The following AP3B1 variants were observed in gnomAD, a reference collection of about 807,000 sequenced individuals.
The protein encoded by AP3B1 is adaptor related protein complex 3 subunit beta 1, also known as AP-3 complex subunit beta-1.
In AP3B1, 61 loss-of-function variants were observed where a neutral mutation model predicts 132.5. That is an observed-to-expected ratio of 0.46 (90% confidence interval 0.37 to 0.57). The LOEUF is 0.57. Ranked by LOEUF, AP3B1 falls within the 20% of genes least tolerant of loss-of-function variation. The probability of loss-of-function intolerance (pLI) is 0.00; values close to 1 mark genes in which losing one functional copy is unlikely to be tolerated. For missense variants in AP3B1, 1,120 were observed against 1,289.4 expected, an observed-to-expected ratio of 0.87 and a Z score of 2.01; for synonymous variants, 388 against 438.3, an observed-to-expected ratio of 0.89 and a Z score of 1.43.
intron 1 of AP3B1, among the ~76,000 whole-genome samples, chr5:78,279,892 TATATATATGACTTAA>T (rs1168331857): frequency 2.2e-5 from 3 of 138,878 alleles, no homozygotes; most frequent in African/African-American, 5.4e-5. Context: ...GACTTAAATA[TATATATATGACTTAA>T]ATATATATAT....
chr5:78,288,759 C>T (rs1412932445), intron 1 of AP3B1, among the ~76,000 whole-genome samples: 1 of 152,058 alleles, frequency 6.6e-6, no homozygotes, highest in Non-Finnish European at 1.5e-5. Context: ...TCACACAAAT[C>T]ACAGTCTTTA....
intron 22 of AP3B1, among the ~76,000 whole-genome samples, chr5:78,088,336 G>T (rs1195832138): frequency 6.6e-6 from 1 of 152,012 alleles, no homozygotes; most frequent in Non-Finnish European, 1.5e-5. Context: ...ATTTCTGGGT[G>T]GTTAAGAGAT....
intron 1 of AP3B1, among the ~76,000 whole-genome samples, chr5:78,274,381 G>C (rs1580577672): frequency 6.6e-6 from 1 of 150,458 alleles, no homozygotes; most frequent in South Asian, 2.1e-4. Context: ...AAATAGAACA[G>C]AGCATCAGAG....
intron 25 of AP3B1, among the ~76,000 whole-genome samples, chr5:78,017,855 C>T (rs902475519): frequency 6.6e-6 from 1 of 151,942 alleles, no homozygotes; most frequent in African/African-American, 2.4e-5. Context: ...TAGAATCTAT[C>T]TAAATTTTGG....
rs542793275 is a variant in AP3B1 at position 78,096,058 on chromosome 5, C to T, written c.2470+4895G>A. 1.6e-4 allele frequency among the ~76,000 whole-genome samples: 25 copies of T among 152,306 alleles called. No homozygotes were observed. The South Asian group carries it at 3.7e-3, about 23-fold the overall frequency. On this transcript the variant is annotated intron_variant, in intron 21 of 26. Transcript: ENST00000255194. The stretch of plus-strand genomic sequence containing the variant: ...TCTCCCCACGGTCTCCCTCTGATGC[C>T]GAGCTGAAGCTGGACTGTACTGCTG...
chr5:78,278,108 A>G (rs1276530940), intron 1 of AP3B1, among the ~76,000 whole-genome samples: 1 of 152,172 alleles, frequency 6.6e-6, no homozygotes, highest in African/African-American at 2.4e-5. Flanking sequence ...TTAATCTTCT[A>G]TACAAAGTGG....
intron 7 of AP3B1, among the ~76,000 whole-genome samples, chr5:78,209,591 T>TA (rs1241739957): frequency 6.6e-6 from 1 of 152,134 alleles, no homozygotes; most frequent in Non-Finnish European, 1.5e-5. Flanking sequence ...CTAAAATGTA[T>TA]AAAAGCAAGC....
chr5:78,040,358 T>C (rs1561368959), intron 22 of AP3B1, among the ~76,000 whole-genome samples: 3 of 152,238 alleles, frequency 2.0e-5, no homozygotes. Context: ...CTAGGAGATA[T>C]TTCTGGGCCT....
intron 2 of AP3B1, among the ~76,000 whole-genome samples, chr5:78,242,407 T>A (rs1040155777): frequency 1.1e-4 from 15 of 131,892 alleles, no homozygotes; most frequent in African/African-American, 4.2e-4. Context: ...CCTAATTTCT[T>A]TCAGAATTTT....
intron 1 of AP3B1, among the ~76,000 whole-genome samples, chr5:78,292,147 C>G (rs955211562): frequency 2.6e-5 from 4 of 151,924 alleles, no homozygotes; most frequent in Non-Finnish European, 5.9e-5. Context: ...CATTAAAAAC[C>G]AGAGGTGAGG....
At chr5:78,001,897 G>A (rs1238026932), downstream of AP3B1, 2 of 152,070 alleles carry the variant, frequency 1.3e-5, no homozygotes, top group African/African-American at 4.8e-5. Flanking sequence ...AGTAACTTAA[G>A]GTAGCAAATA....
At chr5:78,083,236 A>C (rs2112186774) in intron 22 of AP3B1, among the ~76,000 whole-genome samples, 1 of 152,330 alleles carries the variant, frequency 6.6e-6, no homozygotes, top group East Asian at 1.9e-4. Context: ...GAAACAAAAA[A>C]CGCAAAGGAT....
intron 22 of AP3B1, among the ~76,000 whole-genome samples, chr5:78,088,368 A>G (rs948493067): frequency 3.3e-5 from 5 of 152,216 alleles, no homozygotes; most frequent in Non-Finnish European, 7.3e-5. Flanking sequence ...ATGCTTAAGG[A>G]GAACATTGTA....
chr5:78,157,265 T>C (rs556830567), intron 13 of AP3B1, among the ~76,000 whole-genome samples: 9 of 152,238 alleles, frequency 5.9e-5, no homozygotes, highest in Admixed American at 2.0e-4. Flanking sequence ...CCTCCCACTG[T>C]TGATAGCCTG....
In AP3B1 at chr5:78,141,233, C is replaced by G; in HGVS notation, c.1560G>C (p.Lys520Asn). ...VPKIAPDVLR[K>N]MAKSFTSEDD... Reference sequence around the variant, plus strand: ...CTTCACTAGTGAAGCTTTTAGCCATCTTCCTCAAAACATCAGGGGCAATTT... The same window carrying G: ...CTTCACTAGTGAAGCTTTTAGCCATGTTCCTCAAAACATCAGGGGCAATTT... Residue 520 changes from lysine (K) to asparagine (N), a missense_variant, in exon 15 of 27, where the codon AAG becomes AAC. Around this residue, in one of 3 missense-constraint regions of AP3B1, gnomAD observed 906 missense variants for 997.1 expected, o/e 0.91. Transcript: ENST00000255194. 1 of 1,613,812 alleles carries G rather than the reference C, an allele frequency of 6.2e-7. No homozygotes were observed. The highest frequency in any genetic ancestry group is 8.5e-7 in the Non-Finnish European group (1 of 1,179,750).
intron 22 of AP3B1, among the ~76,000 whole-genome samples, chr5:78,062,692 G>A (rs1454812302): frequency 6.6e-6 from 1 of 152,154 alleles, no homozygotes; most frequent in African/African-American, 2.4e-5. Flanking sequence ...TTCTCTTTGT[G>A]GACATAGCAC....
intron 24 of AP3B1, among the ~76,000 whole-genome samples, chr5:78,022,612 T>C (rs1375461020): frequency 6.6e-6 from 1 of 152,162 alleles, no homozygotes. Context: ...TTACTTTACT[T>C]ATATAACTAA....
intron 22 of AP3B1, among the ~76,000 whole-genome samples, chr5:78,063,140 G>C (rs951615063): frequency 5.3e-4 from 80 of 152,166 alleles, no homozygotes; most frequent in Non-Finnish European, 1.5e-4. Context: ...GTAAATACCA[G>C]TGAAACACTA....
chr5:78,007,430 TA>T (rs1362578887), intron 26 of AP3B1, among the ~76,000 whole-genome samples: 210 of 149,136 alleles, frequency 1.4e-3, no homozygotes, highest in East Asian at 7.4e-3. Context: ...CCACTCAGGC[TA>T]AAACTTTTTT....
Sources: gnomAD v4.1 joint callset for allele counts (sites outside exome capture counted in the v4.1 genomes callset) on GRCh38, gnomAD v4.1.1 for gene constraint, gnomAD v4.1.1 regional missense constraint, MANE v1.5 for transcripts, NCBI Gene and HGNC (gene_info 2026-07-23, HGNC 2026-07-21) for gene names.